CLEC16A: variants seen among roughly 807,000 people sequenced by gnomAD.
CLEC16A encodes protein CLEC16A.
CLEC16A carries 51 observed loss-of-function variants against 109.5 expected under a neutral mutation model. That is an observed-to-expected ratio of 0.47 (90% CI 0.37 to 0.59). CLEC16A has a LOEUF of 0.59. Ranked by LOEUF, CLEC16A falls within the 20% of genes least tolerant of loss-of-function variation. CLEC16A has a pLI of 0.00. For missense variants in CLEC16A, 1,339 were observed against 1,394.0 expected (o/e 0.96, Z 0.63); for synonymous variants, 673 against 564.2 (o/e 1.19, Z -2.73).
intron 19 of CLEC16A, among the ~76,000 whole-genome samples, chr16:11,088,909 C>T (rs2050154538): frequency 1.3e-5 from 2 of 152,174 alleles, no homozygotes; most frequent in East Asian, 1.9e-4. Flanking sequence ...AACATATTCA[C>T]ATTGTAAAAG....
At chr16:11,142,472 G>T (rs370304187) in intron 22 of CLEC16A, among the ~76,000 whole-genome samples, 29 of 152,356 alleles carry the variant, frequency 1.9e-4, no homozygotes, top group African/African-American at 6.3e-4. Flanking sequence ...GCATTTGCCC[G>T]ATAGGTGTGA....
chr16:11,147,575 G>C (rs953451845), intron 22 of CLEC16A, among the ~76,000 whole-genome samples: 15 of 152,198 alleles, frequency 9.9e-5, no homozygotes, highest in African/African-American at 3.6e-4. Context: ...TTCTTAGGTA[G>C]GGGATGAAAA....
intron 1 of CLEC16A, among the ~76,000 whole-genome samples, chr16:10,952,500 GACA>G (rs1199950600): frequency 1.3e-5 from 2 of 152,138 alleles, no homozygotes; most frequent in African/African-American, 2.4e-5. Context: ...CTCAGAAAAT[GACA>G]ACAACAACAA....
intron 19 of CLEC16A, among the ~76,000 whole-genome samples, chr16:11,085,339 G>A (rs1017968407): frequency 2.0e-5 from 3 of 152,248 alleles, no homozygotes; most frequent in Non-Finnish European, 4.4e-5. Flanking sequence ...TGGCGGGATG[G>A]GTTAGTGAAG....
At chr16:11,074,913 C>A (rs2152931328) in intron 19 of CLEC16A, among the ~76,000 whole-genome samples, 1 of 152,228 alleles carries the variant, frequency 6.6e-6, no homozygotes, top group East Asian at 1.9e-4. Flanking sequence ...TGGATCATGC[C>A]TATAATCCCA....
chr16:11,120,488 T>C (rs1170874328), intron 19 of CLEC16A, 127 bp from the exon 20 acceptor site: 6 of 952,390 alleles, frequency 6.3e-6, no homozygotes, highest in East Asian at 2.8e-5. Context: ...CCTAGGTCTG[T>C]GTGACTCTAG....
intron 19 of CLEC16A, among the ~76,000 whole-genome samples, chr16:11,098,713 C>T (rs2050744288): frequency 6.6e-6 from 1 of 152,356 alleles, no homozygotes; most frequent in East Asian, 1.9e-4. Flanking sequence ...GGATCTCTCC[C>T]AAGACGCTGT....
intron 22 of CLEC16A, chr16:11,136,424 T>C (rs1156288345): frequency 2.0e-5 from 3 of 152,226 alleles, no homozygotes; most frequent in Non-Finnish European, 4.4e-5. Flanking sequence ...GCCTGACCCA[T>C]ATAAAACGTG....
intron 14 of CLEC16A, chr16:11,041,329 C>T (rs374190887): frequency 4.5e-4 from 68 of 152,344 alleles, no homozygotes; most frequent in African/African-American, 1.5e-3. Flanking sequence ...TGTTAGAGCT[C>T]TCTTGGTCTT....
chr16:10,950,137 G>A (rs948095099), intron 1 of CLEC16A, among the ~76,000 whole-genome samples: 4 of 152,256 alleles, frequency 2.6e-5, no homozygotes, highest in East Asian at 1.9e-4. Context: ...GTTTCATCTC[G>A]GCCTTGAGTT....
At chr16:11,062,375 TAG>T (rs1436053596) in intron 19 of CLEC16A, among the ~76,000 whole-genome samples, 1 of 152,204 alleles carries the variant, frequency 6.6e-6, no homozygotes, top group Non-Finnish European at 1.5e-5. Flanking sequence ...GACAAAACTA[TAG>T]AGTTGTGATC....
At chr16:11,032,459 G>C (rs1212610521) in intron 13 of CLEC16A, among the ~76,000 whole-genome samples, 1 of 152,240 alleles carries the variant, frequency 6.6e-6, no homozygotes, top group Non-Finnish European at 1.5e-5. Context: ...TCATTCAGCA[G>C]ATACTTGCTG....
At chr16:11,139,402 C>T (rs1434782540) in intron 22 of CLEC16A, among the ~76,000 whole-genome samples, 4 of 152,216 alleles carry the variant, frequency 2.6e-5, no homozygotes, top group African/African-American at 4.8e-5. Context: ...GCTGTCCAGC[C>T]ATGGCATTTA....
rs201423270 is a variant in CLEC16A at position 11,042,378 on chromosome 16, G to A, written c.1770+15G>A. The A allele has an allele frequency of 3.8e-5, 59 of 1,544,856 alleles. No individual in the cohort carries two copies. The Admixed American group carries it at 4.5e-4, about 12-fold the overall frequency. ...CCTGCCTGGAGGTAACGCCCTCTCCGCTCCTCCTTCCTGTGGGCCAAGGGA... is the reference window on the plus strand; with the variant it reads ...CCTGCCTGGAGGTAACGCCCTCTCCACTCCTCCTTCCTGTGGGCCAAGGGA... On this transcript the variant is annotated intron_variant, in intron 15 of 23. Coordinates refer to ENST00000409790, the MANE Select transcript of CLEC16A (RefSeq NM_015226.3).
At chr16:11,052,650 C>A (rs1454089801) in intron 18 of CLEC16A, among the ~76,000 whole-genome samples, 2 of 152,156 alleles carry the variant, frequency 1.3e-5, no homozygotes, top group Admixed American at 6.5e-5. Flanking sequence ...GCACACGATT[C>A]TGTTTGTGGG....
intron 2 of CLEC16A, among the ~76,000 whole-genome samples, chr16:10,960,325 T>C (rs896578640): frequency 1.3e-5 from 2 of 152,224 alleles, no homozygotes; most frequent in African/African-American, 4.8e-5. Context: ...TCTTTTTTAG[T>C]CTTCCATTGT....
At chr16:11,144,392 C>G (rs959785710) in intron 22 of CLEC16A, among the ~76,000 whole-genome samples, 1 of 152,122 alleles carries the variant, frequency 6.6e-6, no homozygotes, top group Admixed American at 6.6e-5. Flanking sequence ...TGTTCATTCT[C>G]CGTCCTGTAC....
intron 8 of CLEC16A, 71 bp downstream of exon 8, chr16:10,977,470 T>G: frequency 1.1e-5 from 15 of 1,340,096 alleles, no homozygotes; most frequent in Non-Finnish European, 1.3e-5. Flanking sequence ...CCCAGTCCCC[T>G]GGAATGGGGC....
chr16:10,958,036 T>A, intron 2 of CLEC16A, 126 bp downstream of exon 2: 1 of 879,628 alleles, frequency 1.1e-6, no homozygotes, highest in Non-Finnish European at 1.7e-6. Context: ...TAGATATCTA[T>A]CTCTGTCTAG....
Sources: allele counts gnomAD v4.1 joint callset (sites outside exome capture counted in the v4.1 genomes callset), GRCh38; gene constraint gnomAD v4.1.1; transcripts MANE v1.5; gene names NCBI Gene and HGNC (gene_info 2026-07-23, HGNC 2026-07-21).